The following RIN3 variants were observed in gnomAD, a reference collection of about 807,000 sequenced individuals.
RIN3 encodes the protein RAB5 interacting protein 3.
Under a neutral mutation model 76.3 loss-of-function variants are expected in RIN3, and 54 were observed. That is an observed-to-expected ratio of 0.71 (90% CI 0.57 to 0.89). The LOEUF is 0.89. Among genes scored for constraint, RIN3 ranks in the 40% least tolerant of loss-of-function variants. The pLI is 0.00. For missense variants in RIN3, 1,256 were observed against 1,322.1 expected (o/e 0.95, Z 0.78); for synonymous variants, 576 against 564.0 (o/e 1.02, Z -0.30).
chr14:92,577,797 C>T (rs951714898), intron 3 of RIN3, among the ~76,000 whole-genome samples: 1 of 152,158 alleles, frequency 6.6e-6, no homozygotes, highest in South Asian at 2.1e-4. Context: ...ATGTCTGCAC[C>T]CTTGAGTCCT....
intron 3 of RIN3, among the ~76,000 whole-genome samples, chr14:92,599,787 C>A (rs1279649468): frequency 6.6e-6 from 1 of 152,206 alleles, no homozygotes; most frequent in Non-Finnish European, 1.5e-5. Context: ...AGACCTGTTT[C>A]CACCTCTGTT....
At chr14:92,672,688 G>A (rs867548957) in intron 7 of RIN3, among the ~76,000 whole-genome samples, 4 of 150,914 alleles carry the variant, frequency 2.7e-5, no homozygotes, top group East Asian at 1.9e-4. Flanking sequence ...GTGTGTGTGT[G>A]TATACACATA....
intron 5 of RIN3, among the ~76,000 whole-genome samples, chr14:92,641,900 G>A (rs574753655): frequency 2.0e-5 from 3 of 152,272 alleles, no homozygotes; most frequent in African/African-American, 4.8e-5. Flanking sequence ...AAGAACTCAC[G>A]TTTAGTGGGC....
chr14:92,672,587 C>T (rs1156751557), intron 7 of RIN3, among the ~76,000 whole-genome samples: 1 of 152,028 alleles, frequency 6.6e-6, no homozygotes, highest in East Asian at 1.9e-4. Context: ...GAGACACTTG[C>T]CTTAGGGGCA....
intron 4 of RIN3, among the ~76,000 whole-genome samples, chr14:92,639,174 C>T (rs1441150678): frequency 6.6e-6 from 1 of 152,220 alleles, no homozygotes; most frequent in East Asian, 1.9e-4. Context: ...TCCAGGAGCA[C>T]CCAGGGCTCC....
chr14:92,637,114 G>A (rs1033785036), intron 4 of RIN3, among the ~76,000 whole-genome samples: 15 of 151,988 alleles, frequency 9.9e-5, no homozygotes, highest in South Asian at 4.1e-4. Flanking sequence ...AGCGCATTAC[G>A]TTTATTGTGC....
At chr14:92,621,049 G>T (rs2140109317) in intron 4 of RIN3, among the ~76,000 whole-genome samples, 1 of 152,166 alleles carries the variant, frequency 6.6e-6, no homozygotes, top group Middle Eastern at 3.4e-3. Flanking sequence ...AGCACTTTGG[G>T]AGACCAAGGC....
At chr14:92,606,145 CAAAAA>C (rs10573887) in intron 3 of RIN3, among the ~76,000 whole-genome samples, 1 of 95,984 alleles carries the variant, frequency 1.0e-5, no homozygotes, top group Admixed American at 1.1e-4. Context: ...GAGCCAGTCT[CAAAAA>C]AAAAAAAAAA....
At chr14:92,666,197 TA>T (rs1286318858) in intron 7 of RIN3, among the ~76,000 whole-genome samples, 2 of 152,126 alleles carry the variant, frequency 1.3e-5, no homozygotes, top group African/African-American at 4.8e-5. Flanking sequence ...GCCTCATTGC[TA>T]TGATGCAGGC....
In RIN3 at chr14:92,651,993, C is replaced by A; in HGVS notation, c.944C>A (p.Pro315His). The A allele has an allele frequency of 1.3e-6, 2 of 1,535,084 alleles. No homozygotes were observed. Among genetic ancestry groups the A allele is most frequent in the Non-Finnish European group, 1.8e-6 (2 of 1,126,232 alleles). The change falls in exon 6 of 10, where the codon CCC (proline) becomes CAC (histidine). Residue 315 changes from proline to histidine, a missense_variant. Pro to His is a moderately conservative substitution (Grantham distance 77). This residue lies in a region of RIN3 where 610 missense variants were observed against 626.4 expected (regional missense o/e 0.97). Coordinates refer to ENST00000216487, the MANE Select transcript of RIN3 (RefSeq NM_024832.5). ...PAPACPLPTS[P>H]PVPAPHVTPH... ...CCTGCCTGTCCTTTGCCCACCTCTCCCCCAGTGCCTGCCCCCCACGTCACA... is the reference window on the plus strand; with the variant it reads ...CCTGCCTGTCCTTTGCCCACCTCTCACCCAGTGCCTGCCCCCCACGTCACA...
At position 92,651,763 on chromosome 14, in the gene RIN3, T is replaced by G; in HGVS notation, c.714T>G (p.Ile238Met). 6.2e-7 allele frequency: 1 copy of G among 1,614,052 alleles called. No individual in the cohort carries two copies. Among genetic ancestry groups the G allele is most frequent in the Non-Finnish European group, 8.5e-7 (1 of 1,179,984 alleles). The change falls in exon 6 of 10, where the codon ATT becomes ATG. Residue 238 changes from isoleucine to methionine, a missense_variant. Ile to Met is a conservative substitution (Grantham distance 10). Coordinates refer to ENST00000216487, the MANE Select transcript of RIN3 (RefSeq NM_024832.5). ...GNDRLWFVNP[I>M]FIEDCSSALP... ...ACCGCCTGTGGTTTGTGAATCCTAT[T>G]TTCATCGAGGACTGCAGCAGCGCCC...
At chr14:92,650,469 T>C (rs1387487441) in intron 5 of RIN3, among the ~76,000 whole-genome samples, 2 of 152,218 alleles carry the variant, frequency 1.3e-5, no homozygotes, top group Admixed American at 6.5e-5. Flanking sequence ...TTATCCTTGA[T>C]GTTATTTTCC....
intron 1 of RIN3, among the ~76,000 whole-genome samples, chr14:92,531,963 C>G (rs1896892355): frequency 6.6e-6 from 1 of 150,778 alleles, no homozygotes; most frequent in African/African-American, 2.4e-5. Context: ...GAGTCTCACT[C>G]TGTAGCCCAG....
chr14:92,636,814 AG>A (rs1886793219), intron 4 of RIN3, among the ~76,000 whole-genome samples: 1 of 152,198 alleles, frequency 6.6e-6, no homozygotes, highest in Admixed American at 6.5e-5. Flanking sequence ...CTTTGGGAGA[AG>A]GAGGCAGGAG....
chr14:92,649,062 A>C (rs1029305841), intron 5 of RIN3, among the ~76,000 whole-genome samples: 25 of 151,984 alleles, frequency 1.6e-4, no homozygotes, highest in Non-Finnish European at 8.8e-5. Context: ...GTTCCTGCAG[A>C]CTGGAATGCC....
At chr14:92,622,900 T>G (rs902420518) in intron 4 of RIN3, among the ~76,000 whole-genome samples, 6 of 152,280 alleles carry the variant, frequency 3.9e-5, no homozygotes, top group Admixed American at 3.3e-4. Context: ...CATGTTCTGC[T>G]TTAAACCTAT....
chr14:92,613,464 A>AT (rs1222136126), intron 3 of RIN3, among the ~76,000 whole-genome samples: 3 of 152,206 alleles, frequency 2.0e-5, no homozygotes, highest in Non-Finnish European at 2.9e-5. Context: ...GACAAATATA[A>AT]TTTTTTTAAT....
chr14:92,684,547 G>A (rs1044365072), intron 8 of RIN3, among the ~76,000 whole-genome samples: 1 of 152,208 alleles, frequency 6.6e-6, no homozygotes, highest in Non-Finnish European at 1.5e-5. Context: ...ACACCATCAT[G>A]AAGTCAAAAA....
Position 92,514,835 on chromosome 14 carries a change from T to C in RIN3, c.44+859T>C. Among the ~76,000 whole-genome samples, 1 of 152,154 alleles carries C rather than the reference T, an allele frequency of 6.6e-6. No homozygotes were observed. The highest frequency in any genetic ancestry group is 6.5e-5 in the Admixed American group (1 of 15,278). On this transcript the variant is annotated intron_variant, in intron 1 of 9. Transcript: ENST00000216487. The surrounding 1 kb of genome is among the most constrained non-coding windows in gnomAD (Gnocchi z 7.2). ...CTTCAGGTGTTGTAGAGACGCCCGG[T>C]CGGAGGCGGATTCCCGGGGAAAGCC...
Sources: allele counts gnomAD v4.1 joint callset (sites outside exome capture counted in the v4.1 genomes callset), GRCh38; gene constraint gnomAD v4.1.1; regional missense constraint gnomAD v4.1.1; non-coding constraint Gnocchi (gnomAD v3.1); transcripts MANE v1.5; gene names NCBI Gene and HGNC (gene_info 2026-07-23, HGNC 2026-07-21).